CEMIP2: variants seen among roughly 807,000 people sequenced by gnomAD.
The protein encoded by CEMIP2 is cell migration inducing hyaluronidase 2, also known as cell surface hyaluronidase CEMIP2.
Under a neutral mutation model 146.9 loss-of-function variants are expected in CEMIP2, and 79 were observed. The observed-to-expected ratio is 0.54, with a 90% CI of 0.45 to 0.65. CEMIP2 has a LOEUF of 0.65. Among genes scored for constraint, CEMIP2 ranks in the 30% least tolerant of loss-of-function variants. CEMIP2 has a pLI of 0.00. For synonymous variants in CEMIP2, 601 were observed against 606.3 expected, an observed-to-expected ratio of 0.99 and a Z score of 0.13; for missense variants, 1,596 against 1,696.2, an observed-to-expected ratio of 0.94 and a Z score of 1.04.
chr9:71,736,928 C>T (rs1300663185), intron 5 of CEMIP2, among the ~76,000 whole-genome samples: 1 of 152,000 alleles, frequency 6.6e-6, no homozygotes, highest in African/African-American at 2.4e-5. Context: ...GTAATCCCAA[C>T]ACTTTAGGCA....
intron 21 of CEMIP2, among the ~76,000 whole-genome samples, chr9:71,690,599 A>G (rs760788443): frequency 2.0e-5 from 3 of 152,234 alleles, no homozygotes; most frequent in Non-Finnish European, 2.9e-5. Context: ...AGTCAATGAT[A>G]GATGGCTGCC....
intron 12 of CEMIP2, among the ~76,000 whole-genome samples, chr9:71,719,652 T>A (rs1313154366): frequency 6.6e-6 from 1 of 152,006 alleles, no homozygotes; most frequent in African/African-American, 2.4e-5. Flanking sequence ...GAGTGTCATA[T>A]CCATCTTTAG....
At chr9:71,757,196 C>G (rs1173037651) in intron 1 of CEMIP2, among the ~76,000 whole-genome samples, 1 of 152,192 alleles carries the variant, frequency 6.6e-6, no homozygotes, top group East Asian at 1.9e-4. Flanking sequence ...TTGGCCCCAT[C>G]ATCCCCTCAT....
At chr9:71,741,621 T>G (rs953574033) in intron 4 of CEMIP2, among the ~76,000 whole-genome samples, 2 of 149,512 alleles carry the variant, frequency 1.3e-5, no homozygotes, top group African/African-American at 4.9e-5. Flanking sequence ...TTATTTCTTT[T>G]TCTTTTCTGG....
At chr9:71,734,172 CCTAT>C (rs1306147011) in intron 6 of CEMIP2, among the ~76,000 whole-genome samples, 3 of 151,870 alleles carry the variant, frequency 2.0e-5, no homozygotes, top group Non-Finnish European at 4.4e-5. Flanking sequence ...TAAGAAAATA[CCTAT>C]CTGATTCCAT....
rs775389103 is a variant in CEMIP2 at position 71,740,161 on chromosome 9, T to C, written c.1106A>G (p.Glu369Gly). 1 of 1,614,126 alleles carries C rather than the reference T, an allele frequency of 6.2e-7. No homozygotes were observed. Among genetic ancestry groups the C allele is most frequent in the Non-Finnish European group, 8.5e-7 (1 of 1,180,024 alleles). ...AGCCTTCCCGCCACTGCTATGATTT[T>C]CATAGTTTCTCACGGATTCATTGCA... ...TSCNESVRNYENHSSGGKALA... is the reference protein window; with the variant it reads ...TSCNESVRNYGNHSSGGKALA... Residue 369 changes from glutamate (E) to glycine (G), a missense_variant, in exon 5 of 24, where the codon GAA becomes GGA. Coordinates refer to ENST00000377044, the MANE Select transcript of CEMIP2 (RefSeq NM_013390.3).
intron 2 of CEMIP2, among the ~76,000 whole-genome samples, chr9:71,748,575 C>T (rs2132015584): frequency 6.6e-6 from 1 of 152,300 alleles, no homozygotes; most frequent in East Asian, 1.9e-4. Flanking sequence ...GGTCTAGCAT[C>T]CCTTTACTGC....
At chr9:71,725,772 C>T in intron 10 of CEMIP2, 63 bp from the exon 11 acceptor site, 1 of 1,505,186 alleles carries the variant, frequency 6.6e-7, no homozygotes, top group Non-Finnish European at 8.9e-7. Flanking sequence ...GAAACACTCT[C>T]ATAAACTAAC....
At chr9:71,719,087 C>G (rs1269792684) in intron 12 of CEMIP2, among the ~76,000 whole-genome samples, 1 of 152,040 alleles carries the variant, frequency 6.6e-6, no homozygotes, top group African/African-American at 2.4e-5. Flanking sequence ...CCCCATAAGG[C>G]CACCTATTTT....
intron 6 of CEMIP2, among the ~76,000 whole-genome samples, chr9:71,733,958 C>T (rs1244579712): frequency 6.6e-6 from 1 of 152,138 alleles, no homozygotes; most frequent in African/African-American, 2.4e-5. Context: ...ATTCTCCTGC[C>T]TCAGCCTCCC....
chr9:71,745,591 A>G lies in CEMIP2; in HGVS notation c.473-12T>C. Reference sequence around the variant, plus strand: ...AAATACAAGCAGTCCTGCAGGGAACACCACCCTGTAAGCCAACTTCTAAAT... The same window carrying G: ...AAATACAAGCAGTCCTGCAGGGAACGCCACCCTGTAAGCCAACTTCTAAAT... On this transcript the variant is annotated splice_polypyrimidine_tract_variant and intron_variant, in intron 3 of 23. Transcript: ENST00000377044. The G allele has an allele frequency of 6.4e-7, 1 of 1,565,208 alleles. No homozygotes were observed. Among genetic ancestry groups the G allele is most frequent in the Non-Finnish European group, 8.6e-7 (1 of 1,159,024 alleles).
Position 71,732,374 on chromosome 9 carries a change from C to G in CEMIP2, c.1540G>C (p.Asp514His), listed in dbSNP as rs1380939817. 6.2e-7 allele frequency: 1 copy of G among 1,612,348 alleles called. No homozygotes were observed. Among genetic ancestry groups the G allele is most frequent in the Admixed American group, 1.7e-5 (1 of 59,514 alleles). ...ACCATAATGTGTCCCCCAAAGGTATCATAATCAAAAAATTGGCACTGATTT... is the reference window on the plus strand; with the variant it reads ...ACCATAATGTGTCCCCCAAAGGTATGATAATCAAAAAATTGGCACTGATTT... ...AENQCQFFDYDTFGGHIMIMK... is the reference protein window; with the variant it reads ...AENQCQFFDYHTFGGHIMIMK... The change falls in exon 7 of 24, where the codon GAT (aspartate) becomes CAT (histidine). Residue 514 changes from aspartate (D) to histidine (H), a missense_variant. Asp to His is a moderately conservative substitution (Grantham distance 81). Transcript: ENST00000377044.
intron 13 of CEMIP2, 123 bp downstream of exon 13, chr9:71,717,825 G>T: frequency 1.0e-6 from 1 of 963,204 alleles, no homozygotes; most frequent in Non-Finnish European, 1.5e-6. Flanking sequence ...AGCTTGTCCT[G>T]TCTTAATAAT....
intron 7 of CEMIP2, among the ~76,000 whole-genome samples, chr9:71,732,111 A>G (rs757243870): frequency 2.6e-5 from 4 of 152,054 alleles, no homozygotes; most frequent in Non-Finnish European, 5.9e-5. Flanking sequence ...GTTCTTCCCA[A>G]TATATTGATT....
rs373076617 is a variant in CEMIP2 at position 71,730,094 on chromosome 9, C to T, written c.1933G>A (p.Asp645Asn). Residue 645 changes from aspartate (D) to asparagine (N), a missense_variant, in exon 9 of 24, where the codon GAT becomes AAT. Coordinates refer to ENST00000377044, the MANE Select transcript of CEMIP2 (RefSeq NM_013390.3). Reference protein sequence around the residue: ...RNNSMCTTMRDKVFGNYIPVP... With the variant: ...RNNSMCTTMRNKVFGNYIPVP... ...GGAATGTAATTTCCAAACACTTTAT[C>T]TCGCATGGTGGTACACATGGAGTTG... The T allele has an allele frequency of 2.5e-6, 4 of 1,614,048 alleles. No individual in the cohort carries two copies. In the African/African-American group the frequency reaches 5.3e-5, roughly 22 times the overall value.
rs750677525 is a variant in CEMIP2, at chr9:71,690,164, GT to G, written c.3778del (p.Thr1260ArgfsTer18). On this transcript the variant is annotated frameshift_variant, in exon 22 of 24. Transcript: ENST00000377044. LOFTEE classifies it high-confidence loss of function. ...VDPCSVPFRL[T>X]EKTVFPLADV... ...AGCAAGAGGAAAAACCGTTTTTTCCGTCAAGCGGAATGGAACGCTGCACGGA... is the reference window on the plus strand; with the variant it reads ...AGCAAGAGGAAAAACCGTTTTTTCCGCAAGCGGAATGGAACGCTGCACGGA... 2 of 1,613,990 alleles carry G rather than the reference GT, an allele frequency of 1.2e-6. No individual in the cohort carries two copies. The highest frequency in any genetic ancestry group is 1.7e-6 in the Non-Finnish European group (2 of 1,179,976).
At chr9:71,715,218 C>T in intron 14 of CEMIP2, 129 bp from the exon 15 acceptor site, 2 of 669,478 alleles carry the variant, frequency 3.0e-6, no homozygotes. Flanking sequence ...AATACACATT[C>T]ACAAGTCTTC....
chr9:71,718,587 C>T (rs551145555), intron 12 of CEMIP2, among the ~76,000 whole-genome samples: 2 of 151,746 alleles, frequency 1.3e-5, no homozygotes, highest in African/African-American at 4.8e-5. Context: ...TTAATATTTT[C>T]TTTTTTTGAG....
chr9:71,757,107 C>A (rs957452303), intron 1 of CEMIP2, among the ~76,000 whole-genome samples: 2 of 152,170 alleles, frequency 1.3e-5, no homozygotes, highest in Non-Finnish European at 2.9e-5. Context: ...TAGGCTATAT[C>A]ATCAGTCCCC....
Sources: allele counts gnomAD v4.1 joint callset (sites outside exome capture counted in the v4.1 genomes callset), GRCh38; gene constraint gnomAD v4.1.1; transcripts MANE v1.5; gene names NCBI Gene and HGNC (gene_info 2026-07-23, HGNC 2026-07-21).